SLC25A26: variants seen among roughly 807,000 people sequenced by gnomAD.
The protein encoded by SLC25A26 is mitochondrial S-adenosylmethionine carrier protein.
In SLC25A26, 36 loss-of-function variants were observed where a neutral mutation model predicts 37.8. The observed-to-expected ratio is 0.95, with a 90% confidence interval of 0.73 to 1.26. The LOEUF (loss-of-function observed/expected upper bound fraction) is 1.26, where lower values mean the gene tolerates loss of function less well. Ranked by LOEUF, SLC25A26 falls within the 50% of genes most tolerant of loss-of-function variation. The pLI is 0.00. For synonymous variants in SLC25A26, 129 were observed against 122.5 expected, an observed-to-expected ratio of 1.05 and a Z score of -0.35; for missense variants, 390 against 331.1, an observed-to-expected ratio of 1.18 and a Z score of -1.38.
intron 5 of SLC25A26, among the ~76,000 whole-genome samples, chr3:66,308,918 G>A (rs2075301049): frequency 6.6e-6 from 1 of 152,166 alleles, no homozygotes; most frequent in African/African-American, 2.4e-5. Context: ...TTTTTGATGT[G>A]CTGCTGGATT....
intron 1 of SLC25A26, among the ~76,000 whole-genome samples, chr3:66,157,208 T>C (rs2070295751): frequency 6.6e-6 from 1 of 152,176 alleles, no homozygotes; most frequent in Non-Finnish European, 1.5e-5. Context: ...CACTCCATTT[T>C]AGGTGACAGA....
chr3:66,229,935 C>A (rs531303680), intron 1 of SLC25A26, among the ~76,000 whole-genome samples: 177 of 152,182 alleles, frequency 1.2e-3, no homozygotes, highest in African/African-American at 3.9e-3. Context: ...CTGGAGAAGT[C>A]CCCCTGAGTA....
chr3:66,317,260 G>C (rs2075565389), intron 5 of SLC25A26, among the ~76,000 whole-genome samples: 1 of 152,156 alleles, frequency 6.6e-6, no homozygotes, highest in African/African-American at 2.4e-5. Context: ...CTTTGATTTT[G>C]AGGCTGCTGA....
intron 1 of SLC25A26, among the ~76,000 whole-genome samples, chr3:66,224,945 CATCCAG>C (rs1301103958): frequency 3.3e-5 from 5 of 152,226 alleles, no homozygotes; most frequent in Admixed American, 6.5e-5. Context: ...CCATGTCTTA[CATCCAG>C]GTCACGCTGC....
chr3:66,161,885 C>A (rs1240629091), intron 1 of SLC25A26, among the ~76,000 whole-genome samples: 5 of 152,144 alleles, frequency 3.3e-5, no homozygotes, highest in African/African-American at 1.2e-4. Flanking sequence ...GAGACAATTC[C>A]ATATGATAGC....
At chr3:66,229,542 T>A (rs2071911950) in intron 1 of SLC25A26, among the ~76,000 whole-genome samples, 1 of 152,238 alleles carries the variant, frequency 6.6e-6, no homozygotes, top group Non-Finnish European at 1.5e-5. Context: ...ACTCTCTGTG[T>A]CCTGCCGCCC....
chr3:66,330,190 C>T (rs1184134467), intron 5 of SLC25A26, among the ~76,000 whole-genome samples: 2 of 152,098 alleles, frequency 1.3e-5, no homozygotes, highest in Non-Finnish European at 2.9e-5. Context: ...CTGCTTTGGC[C>T]TATACAACTG....
chr3:66,253,344 G>C (rs2073169016), intron 3 of SLC25A26, among the ~76,000 whole-genome samples: 1 of 151,236 alleles, frequency 6.6e-6, no homozygotes, highest in Non-Finnish European at 1.5e-5. Context: ...TTGGGAGGTG[G>C]AGCTTGCAGA....
rs190967845 is a variant in SLC25A26, at chr3:66,316,908, G to T, written c.454-29456G>T. Among the ~76,000 whole-genome samples the T allele has an allele frequency of 1.5e-3, 226 of 152,256 alleles. 1 individual carries two copies. Among genetic ancestry groups the T allele is most frequent in the African/African-American group, 5.2e-3 (214 of 41,546 alleles). On this transcript the variant is annotated intron_variant, in intron 5 of 9. Transcript: ENST00000354883. Reference sequence around the variant, plus strand: ...TTGGTCTATTCAGCTATTGATACTTGTGTTGGCATTGTGAAGGTCTCATGT... The same window carrying T: ...TTGGTCTATTCAGCTATTGATACTTTTGTTGGCATTGTGAAGGTCTCATGT...
chr3:66,209,121 A>G, intron 1 of SLC25A26, among the ~76,000 whole-genome samples: 1 of 108,328 alleles, frequency 9.2e-6, no homozygotes, highest in African/African-American at 3.2e-5. Flanking sequence ...TATACACAAA[A>G]AGATATATAT....
chr3:66,173,138 C>T (rs146303803), intron 1 of SLC25A26, among the ~76,000 whole-genome samples: 3,216 of 152,264 alleles, frequency 0.021, 52 homozygotes, highest in East Asian at 0.072. Context: ...GCTCCATAAT[C>T]GGAAAGATGC....
intron 5 of SLC25A26, among the ~76,000 whole-genome samples, chr3:66,286,299 T>G (rs560886820): frequency 1.7e-4 from 26 of 152,320 alleles, no homozygotes; most frequent in Admixed American, 3.3e-4. Flanking sequence ...TTCTCCCATG[T>G]TTTCTTCTAA....
At position 66,346,353 on chromosome 3, in the gene SLC25A26, TCTCTCTTCAGATTCC is replaced by T; in HGVS notation, c.454-10_458del. On this transcript the variant is annotated splice_acceptor_variant and splice_polypyrimidine_tract_variant and coding_sequence_variant and intron_variant, in exon 6 of 10. Coordinates refer to ENST00000354883, the MANE Select transcript of SLC25A26 (RefSeq NM_001379210.1). LOFTEE classifies it high-confidence loss of function. ...TGCCTAATTTATTTAATTTTTTTTT[TCTCTCTTCAGATTCC>T]TTTTTCTTTGGTCCAGTTTCCCTTA... 1 of 1,466,840 alleles carries T rather than the reference TCTCTCTTCAGATTCC, an allele frequency of 6.8e-7. No individual in the cohort carries two copies. Among genetic ancestry groups the T allele is most frequent in the Admixed American group, 2.5e-5 (1 of 40,634 alleles). The allele number at this position is 1,466,840 out of a possible 1,614,324, so 90.9% of individuals were successfully genotyped here. A position where few individuals can be genotyped will look rare whatever the true frequency, so the allele number is the denominator to read the frequency against.
At chr3:66,353,075 A>G (rs1411825248) in intron 6 of SLC25A26, among the ~76,000 whole-genome samples, 2 of 152,144 alleles carry the variant, frequency 1.3e-5, no homozygotes, top group Non-Finnish European at 1.5e-5. Flanking sequence ...TCTTCTTCAC[A>G]CCACAGACAA....
intron 1 of SLC25A26, 140 bp from the exon 2 acceptor site, chr3:66,236,404 T>C (rs1264681545): frequency 2.0e-6 from 1 of 509,530 alleles, no homozygotes; most frequent in Admixed American, 3.9e-5. Flanking sequence ...GACGGTCCTT[T>C]GTGCCGCAGA....
intron 3 of SLC25A26, among the ~76,000 whole-genome samples, chr3:66,261,352 T>C (rs2073521508): frequency 6.6e-6 from 1 of 152,232 alleles, no homozygotes; most frequent in Non-Finnish European, 1.5e-5. Flanking sequence ...ACTAATTCTT[T>C]ATTGTTTCTA....
In SLC25A26 at chr3:66,352,439, T is replaced by TTG. The variant is rs1553702209; in HGVS notation, c.498+6032_498+6033insGT. ...TCCCCTCGTTTTTTGTTTTTTGTTT[T>TTG]TTGTTTTTTTTTTTGAGATGTACCA... On this transcript the variant is annotated intron_variant, in intron 6 of 9. Coordinates refer to ENST00000354883, the MANE Select transcript of SLC25A26 (RefSeq NM_001379210.1). Among the ~76,000 whole-genome samples the TTG allele has an allele frequency of 1.2e-3, 163 of 137,646 alleles. 4 individuals are homozygous for TTG. The highest frequency in any genetic ancestry group is 4.2e-3 in the African/African-American group (151 of 36,066). 90.3% of individuals were successfully genotyped at this position (137,646 alleles called of 152,430 possible). A position where few individuals can be genotyped will look rare whatever the true frequency, so the allele number is the denominator to read the frequency against.
intron 1 of SLC25A26, among the ~76,000 whole-genome samples, chr3:66,162,186 T>C (rs2070368508): frequency 6.6e-6 from 1 of 152,114 alleles, no homozygotes; most frequent in South Asian, 2.1e-4. Context: ...TCTGTGTTCA[T>C]CCAAATCTCC....
At chr3:66,232,438 T>C (rs1263688132) in intron 1 of SLC25A26, among the ~76,000 whole-genome samples, 1 of 152,246 alleles carries the variant, frequency 6.6e-6, no homozygotes, top group Non-Finnish European at 1.5e-5. Context: ...AGCCATTGAA[T>C]GCCTCCTATT....
Sources: gnomAD v4.1 joint callset for allele counts (sites outside exome capture counted in the v4.1 genomes callset) on GRCh38, gnomAD v4.1.1 for gene constraint, MANE v1.5 for transcripts, NCBI Gene and HGNC (gene_info 2026-07-23, HGNC 2026-07-21) for gene names.